Variants in ZC3H7A observed in about 807,000 individuals in gnomAD.
ZC3H7A encodes the protein zinc finger CCCH domain-containing protein 7A.
ZC3H7A carries 44 observed loss-of-function variants against 125.5 expected under a neutral mutation model. The ratio of observed to expected loss-of-function variants is 0.35; its 90% CI spans 0.28 to 0.45. ZC3H7A has a LOEUF of 0.45. ZC3H7A is among the 20% of genes least tolerant of loss of function. The pLI is 1.00. For missense variants in ZC3H7A, 977 were observed against 1,170.7 expected, an observed-to-expected ratio of 0.83 and a Z score of 2.41; for synonymous variants, 399 against 391.2, an observed-to-expected ratio of 1.02 and a Z score of -0.23.
At chr16:11,790,079 CAAAAAAAAAAA>C (rs150579733) in intron 1 of ZC3H7A, among the ~76,000 whole-genome samples, 11 of 73,544 alleles carry the variant, frequency 1.5e-4, no homozygotes, top group African/African-American at 5.5e-4. Flanking sequence ...GACTCCATCT[CAAAAAAAAAAA>C]AAAAAAAAAA....
At chr16:11,753,099 C>T (rs536765858) in intron 21 of ZC3H7A, 2 of 390,668 alleles carry the variant, frequency 5.1e-6, no homozygotes, top group East Asian at 4.7e-5. Flanking sequence ...GCTGGGAGAA[C>T]AAGAGGCAGG....
At position 11,769,667 on chromosome 16, in the gene ZC3H7A, C is replaced by T. The variant is rs1410963137; in HGVS notation, c.1109-572G>A. Among the ~76,000 whole-genome samples the T allele has an allele frequency of 2.2e-4, 26 of 120,278 alleles. No homozygotes were observed. In the East Asian group the frequency reaches 6.1e-3, roughly 28 times the overall value. 78.9% of individuals were successfully genotyped at this position (120,278 alleles called of 152,430 possible). ...CAGAGGTTGCAGTGAGCCAAGATTT[C>T]GCCACTGCTTTCCAGCCTGGGCAAC... On this transcript the variant is annotated intron_variant, in intron 10 of 22. Transcript: ENST00000355758.
Position 11,761,994 on chromosome 16 carries a change from A to G in ZC3H7A, c.2129T>C (p.Phe710Ser), listed in dbSNP as rs1450294413. The G allele has an allele frequency of 6.2e-7, 1 of 1,612,958 alleles. No individual in the cohort carries two copies. The highest frequency in any genetic ancestry group is 8.5e-7 in the Non-Finnish European group (1 of 1,179,742). ...MPGFLNMKIKFVCAQCLRNGQ... is the reference protein window; with the variant it reads ...MPGFLNMKIKSVCAQCLRNGQ... Reference sequence around the variant, plus strand: ...GTTTCTCAGACACTGGGCGCACACAAACTTTATCTTCATATTAAGAAATCC... The same window carrying G: ...GTTTCTCAGACACTGGGCGCACACAGACTTTATCTTCATATTAAGAAATCC... The change falls in exon 18 of 23, where the codon TTT becomes TCT. Residue 710 changes from phenylalanine (F) to serine (S), a missense_variant. Physicochemically the swap from Phe to Ser is radical, Grantham distance 155. Transcript: ENST00000355758.
chr16:11,781,653 T>TAC (rs1222406848), intron 2 of ZC3H7A, among the ~76,000 whole-genome samples, 189 bp from the exon 3 acceptor site: 2 of 42,936 alleles, frequency 4.7e-5, no homozygotes, highest in African/African-American at 4.8e-4. Context: ...TACATATACA[T>TAC]ATATATATAT....
chr16:11,766,083 G>C (rs2052852478), intron 13 of ZC3H7A, among the ~76,000 whole-genome samples: 2 of 150,372 alleles, frequency 1.3e-5, no homozygotes, highest in Admixed American at 6.6e-5. Context: ...TTCTCTCATG[G>C]ACCACACCTC....
chr16:11,751,304 A>G lies in ZC3H7A; in HGVS notation c.*13T>C. ...AATGCTCTGATTAGGTATCATACAT[A>G]AAAGCCAGCATATTAGTTTAAATCT... is the stretch of plus-strand genomic sequence containing the variant. On this transcript the variant is annotated 3_prime_UTR_variant, in exon 23 of 23. Coordinates refer to ENST00000355758, the MANE Select transcript of ZC3H7A (RefSeq NM_014153.4). The G allele has an allele frequency of 6.2e-7, 1 of 1,605,006 alleles. No homozygotes were observed. The highest frequency in any genetic ancestry group is 8.5e-7 in the Non-Finnish European group (1 of 1,175,370).
Position 11,765,590 on chromosome 16 carries a change from C to T in ZC3H7A, c.1618G>A (p.Ala540Thr), listed in dbSNP as rs1179244998. ...CCAAAGAAAGCCTCCCGGCTGAATG[C>T]TCCTTTCCGCTCCAGTGTCCACACA... ...IDVWTLERKG[A>T]FSREAFFGGN... Residue 540 changes from alanine (A) to threonine (T), a missense_variant, in exon 14 of 23, where the codon GCA (alanine) becomes ACA (threonine). By Grantham distance (58) the Ala-to-Thr change is moderately conservative. This residue lies in a region of ZC3H7A where 436 missense variants were observed against 603.2 expected (regional missense o/e 0.72). Transcript: ENST00000355758. This position sits in a 1 kb window ranked among gnomAD's most constrained non-coding sequence, Gnocchi z 4.8. The T allele has an allele frequency of 6.2e-7, 1 of 1,614,078 alleles. No individual in the cohort carries two copies. Among genetic ancestry groups the T allele is most frequent in the Non-Finnish European group, 8.5e-7 (1 of 1,180,030 alleles).
Position 11,782,301 on chromosome 16 carries a change from T to A in ZC3H7A, c.54A>T (p.Gly18=). Residue 18 remains glycine, a synonymous_variant, in exon 2 of 23, where the codon GGA becomes GGT. Transcript: ENST00000355758. ...GAAGCTCTTACTGTATAAACTGCAG[T>A]CCTTCCTTAATGTTCTGCTGCCTTT... The part of the protein sequence containing the change: ...RRKRQQNIKE[G]LQFIQSPLSY... 1 of 1,614,198 alleles carries A rather than the reference T, an allele frequency of 6.2e-7. No individual in the cohort carries two copies. Among genetic ancestry groups the A allele is most frequent in the Non-Finnish European group, 8.5e-7 (1 of 1,180,032 alleles).
intron 21 of ZC3H7A, 107 bp from the exon 22 acceptor site, chr16:11,752,939 A>G: frequency 7.0e-7 from 1 of 1,423,504 alleles, no homozygotes. Context: ...CATAAAACTC[A>G]GGTTAGAAAT....
intron 15 of ZC3H7A, among the ~76,000 whole-genome samples, chr16:11,764,778 G>C (rs1484722687): frequency 6.6e-6 from 1 of 152,010 alleles, no homozygotes; most frequent in Admixed American, 6.6e-5. Flanking sequence ...TTAATTGGGG[G>C]GGGTACTTAT....
chr16:11,758,643 A>T lies in ZC3H7A; in HGVS notation c.2320-104T>A, dbSNP rs1176752066. 1.4e-5 allele frequency: 10 copies of T among 709,100 alleles called. No individual in the cohort carries two copies. The East Asian group carries it at 2.7e-4, about 19-fold the overall frequency. The allele number at this position is 709,100 out of a possible 1,614,324, so 43.9% of individuals were successfully genotyped here. A position where few individuals can be genotyped will look rare whatever the true frequency, so the allele number is the denominator to read the frequency against. On this transcript the variant is annotated intron_variant, in intron 19 of 22. Coordinates refer to ENST00000355758, the MANE Select transcript of ZC3H7A (RefSeq NM_014153.4). ...AGCATTATTATCCATGCTAATACTT[A>T]GTAATCAAATTCTAAAGTAAGATTA...
intron 1 of ZC3H7A, among the ~76,000 whole-genome samples, chr16:11,795,519 C>T (rs1312830645): frequency 6.6e-6 from 1 of 152,228 alleles, no homozygotes; most frequent in African/African-American, 2.4e-5. Flanking sequence ...TCACTGCAAC[C>T]TCTGCCTCCC....
chr16:11,796,571 C>T (rs1380964478), intron 1 of ZC3H7A: 1 of 153,614 alleles, frequency 6.5e-6, no homozygotes, highest in Non-Finnish European at 1.5e-5. Flanking sequence ...ACTGACAGGT[C>T]CCGGTCCCGG....
rs1455729146 is a variant in ZC3H7A at position 11,774,298 on chromosome 16, C to A, written c.841G>T (p.Val281Phe). The change falls in exon 9 of 23, where the codon GTC (valine) becomes TTC (phenylalanine). Residue 281 changes from valine to phenylalanine, a missense_variant. Physicochemically the swap from Val to Phe is conservative, Grantham distance 50. Transcript: ENST00000355758. ...PEAFLDDGDMVLGDELDDLLD... is the reference protein window; with the variant it reads ...PEAFLDDGDMFLGDELDDLLD... Reference sequence around the variant, plus strand: ...AGGTCATCTAGTTCATCTCCAAGGACCATATCTCCATCATCTAGAAAAGCT... The same window carrying A: ...AGGTCATCTAGTTCATCTCCAAGGAACATATCTCCATCATCTAGAAAAGCT... 1 of 1,613,880 alleles carries A rather than the reference C, an allele frequency of 6.2e-7. No individual in the cohort carries two copies. The highest frequency in any genetic ancestry group is 8.5e-7 in the Non-Finnish European group (1 of 1,179,856).
intron 1 of ZC3H7A, among the ~76,000 whole-genome samples, chr16:11,786,638 T>A (rs942399791): frequency 3.3e-5 from 5 of 152,204 alleles, no homozygotes; most frequent in African/African-American, 9.7e-5. Context: ...AATACACCCC[T>A]TTAGCTGTTT....
intron 1 of ZC3H7A, among the ~76,000 whole-genome samples, chr16:11,794,598 T>C (rs2053403944): frequency 6.6e-6 from 1 of 152,234 alleles, no homozygotes; most frequent in Admixed American, 6.5e-5. Flanking sequence ...GACAAAAGTT[T>C]GCTCACATCA....
chr16:11,797,058 GC>G lies in ZC3H7A; in HGVS notation c.-35+65del, dbSNP rs2053452161. ...GCGCGAGCACGAGGCGGCGGCGCGC[GC>G]GGGGGGGGCGGGGGCGCGGGCGCGC... On this transcript the variant is annotated intron_variant, in intron 1 of 22. Coordinates refer to ENST00000355758, the MANE Select transcript of ZC3H7A (RefSeq NM_014153.4). 3.0e-5 allele frequency: 4 copies of G among 133,846 alleles called. No individual in the cohort carries two copies. In the South Asian group the frequency reaches 7.6e-4, roughly 25 times the overall value. 8.3% of individuals were successfully genotyped at this position (133,846 alleles called of 1,614,324 possible). A position where few individuals can be genotyped will look rare whatever the true frequency, so the allele number is the denominator to read the frequency against.
intron 1 of ZC3H7A, among the ~76,000 whole-genome samples, chr16:11,783,882 A>G (rs984784957): frequency 1.3e-5 from 2 of 152,122 alleles, no homozygotes; most frequent in African/African-American, 4.8e-5. Context: ...TCAGTTCTCA[A>G]TATTTTTGTC....
chr16:11,756,824 C>T (rs2052656968), intron 20 of ZC3H7A, among the ~76,000 whole-genome samples: 1 of 152,172 alleles, frequency 6.6e-6, no homozygotes, highest in South Asian at 2.1e-4. Flanking sequence ...CATACTACTA[C>T]TGGACCAAGA....
Sources: gnomAD v4.1 joint callset for allele counts (sites outside exome capture counted in the v4.1 genomes callset) on GRCh38, gnomAD v4.1.1 for gene constraint, gnomAD v4.1.1 regional missense constraint, Gnocchi (gnomAD v3.1) non-coding constraint, MANE v1.5 for transcripts, NCBI Gene and HGNC (gene_info 2026-07-23, HGNC 2026-07-21) for gene names.